The following SRM variants were observed in gnomAD, a reference collection of about 807,000 sequenced individuals.
The protein encoded by SRM is putrescine aminopropyltransferase.
In SRM, 14 loss-of-function variants were observed where a neutral mutation model predicts 39.3. The ratio of observed to expected loss-of-function variants is 0.36; its 90% CI spans 0.24 to 0.56. The LOEUF (loss-of-function observed/expected upper bound fraction) is 0.56. Among genes scored for constraint, SRM ranks in the 20% least tolerant of loss-of-function variants. The pLI, the probability that SRM is intolerant of heterozygous loss-of-function variation, is 0.86. For missense variants in SRM, 244 were observed against 409.2 expected (o/e 0.60, Z 3.48); for synonymous variants, 195 against 173.1 (o/e 1.13, Z -0.99).
At chr1:11,055,243 G>T in intron 6 of SRM, 159 bp from the exon 7 acceptor site, 1 of 1,123,806 alleles carries the variant, frequency 8.9e-7, no homozygotes, top group Non-Finnish European at 1.2e-6. Flanking sequence ...TCAGCCTCAG[G>T]TACGCGCCAC....
At position 11,059,788 on chromosome 1, in the gene SRM, G is replaced by T; in HGVS notation, c.156C>A (p.Leu52=). 1.3e-6 allele frequency: 2 copies of T among 1,580,196 alleles called. No individual in the cohort carries two copies. The highest frequency in any genetic ancestry group is 1.7e-6 in the Non-Finnish European group (2 of 1,172,626). Residue 52 remains leucine, a synonymous_variant, in exon 1 of 8, where the codon CTC becomes CTA. Transcript: ENST00000376957. ...GGCAGCGGCGGTACCTGCGGAAGACGAGGATGTCCTGGTAGCGCGAGCGCC... is the reference window on the plus strand; with the variant it reads ...GGCAGCGGCGGTACCTGCGGAAGACTAGGATGTCCTGGTAGCGCGAGCGCC... ...HHRRSRYQDI[L]VFRSKTYGNV...
chr1:11,059,345 A>G lies in SRM; in HGVS notation c.168T>C (p.Ser56=). ...SRYQDILVFR[S]KTYGNVLVLD... is the part of the protein sequence containing the mutation. Reference sequence around the variant, plus strand: ...ACACCAGCACGTTGCCATAGGTCTTACTGCGGGCGGAGTGACAGTCGGGGA... The same window carrying G: ...ACACCAGCACGTTGCCATAGGTCTTGCTGCGGGCGGAGTGACAGTCGGGGA... The change falls in exon 2 of 8, where the codon AGT becomes AGC. Residue 56 remains serine, a splice_region_variant and synonymous_variant. Coordinates refer to ENST00000376957, the MANE Select transcript of SRM (RefSeq NM_003132.3). 1 of 1,613,010 alleles carries G rather than the reference A, an allele frequency of 6.2e-7. No individual in the cohort carries two copies. Among genetic ancestry groups the G allele is most frequent in the East Asian group, 2.2e-5 (1 of 44,848 alleles).
At chr1:11,059,112 C>T (rs1022138671) in intron 2 of SRM, 113 bp downstream of exon 2, 239 of 1,561,278 alleles carry the variant, frequency 1.5e-4, no homozygotes, top group Non-Finnish European at 2.0e-4. Flanking sequence ...GCGGGACGCC[C>T]CTGGCCTCGC....
In SRM at chr1:11,055,796, C is replaced by T. The variant is rs1349240185; in HGVS notation, c.750G>A (p.Leu250=). The T allele has an allele frequency of 1.9e-6, 3 of 1,558,504 alleles. No homozygotes were observed. The highest frequency in any genetic ancestry group is 1.4e-5 in the African/African-American group (1 of 73,478). Residue 250 remains leucine (L), a synonymous_variant, in exon 6 of 8, where the codon CTG becomes CTA. Transcript: ENST00000376957. Reference sequence around the variant, plus strand: ...CCCATCTCACCGGGTTCTTGCTGCACAGCATGAAGCCGATCTGGCCGCTGG... The same window carrying T: ...CCCATCTCACCGGGTTCTTGCTGCATAGCATGAAGCCGATCTGGCCGCTGG... ...TYPSGQIGFM[L]CSKNPSTNFQ... is the part of the protein sequence containing the mutation.
At chr1:11,057,663 G>A (rs957378947) in intron 3 of SRM, among the ~76,000 whole-genome samples, 4 of 142,268 alleles carry the variant, frequency 2.8e-5, no homozygotes, top group African/African-American at 1.1e-4. Context: ...CAGCTCAAAC[G>A]CCACCTCCTG....
intron 3 of SRM, among the ~76,000 whole-genome samples, chr1:11,058,327 G>A (rs932547734): frequency 4.6e-5 from 7 of 152,148 alleles, no homozygotes; most frequent in South Asian, 2.1e-4. Flanking sequence ...TTGGGAGGAC[G>A]AGGCTGGCGG....
rs1271034972 is a variant in SRM, at chr1:11,055,781, C to T, written c.765G>A (p.Pro255=). 3 of 1,565,980 alleles carry T rather than the reference C, an allele frequency of 1.9e-6. No homozygotes were observed. Among genetic ancestry groups the T allele is most frequent in the East Asian group, 2.4e-5 (1 of 42,352 alleles). ...QIGFMLCSKN[P]STNFQEPVQP... ...CCACCCCCAGACACCCCCATCTCAC[C>T]GGGTTCTTGCTGCACAGCATGAAGC... The change falls in exon 6 of 8, where the codon CCG becomes CCA. Residue 255 remains proline, a splice_region_variant and synonymous_variant. Coordinates refer to ENST00000376957, the MANE Select transcript of SRM (RefSeq NM_003132.3).
intron 3 of SRM, among the ~76,000 whole-genome samples, chr1:11,057,210 C>T (rs1425738578): frequency 1.3e-5 from 2 of 152,110 alleles, no homozygotes; most frequent in Non-Finnish European, 2.9e-5. Context: ...TCTGGTACCT[C>T]CATTTCTCCT....
At chr1:11,055,263 C>T in intron 6 of SRM, 179 bp from the exon 7 acceptor site, 2 of 913,678 alleles carry the variant, frequency 2.2e-6, no homozygotes, top group East Asian at 3.1e-5. Flanking sequence ...CCACGCCCGG[C>T]TAATTTTTTT....
At chr1:11,056,369 C>T (rs1353153910) in intron 4 of SRM, among the ~76,000 whole-genome samples, 2 of 152,198 alleles carry the variant, frequency 1.3e-5, no homozygotes, top group African/African-American at 4.8e-5. Context: ...CCTCAGTGTC[C>T]CAATGCCAGA....
chr1:11,059,898 TGGCGGCGGGGCCGGA>T lies in SRM; in HGVS notation c.31_45del (p.Ser11_Ala15del), dbSNP rs745582057. 273 of 1,430,258 alleles carry T rather than the reference TGGCGGCGGGGCCGGA, an allele frequency of 1.9e-4. 4 individuals are homozygous for T. In the South Asian group the frequency reaches 2.4e-3, roughly 12 times the overall value. The allele number at this position is 1,430,258 out of a possible 1,614,324, so 88.6% of individuals were successfully genotyped here. A position where few individuals can be genotyped will look rare whatever the true frequency, so the allele number is the denominator to read the frequency against. On this transcript the variant is annotated inframe_deletion, in exon 1 of 8. Coordinates refer to ENST00000376957, the MANE Select transcript of SRM (RefSeq NM_003132.3). ...GTCTCGCGGAACCAGCCCTCGCGGA[TGGCGGCGGGGCCGGA>T]GGCGGCGGGGCCGTCGGGGCCGGGC...
chr1:11,058,703 G>A, intron 3 of SRM, 97 bp downstream of exon 3: 1 of 1,058,546 alleles, frequency 9.4e-7, no homozygotes, highest in South Asian at 1.7e-5. Context: ...GGAGAAACAG[G>A]CCCTACCTGC....
chr1:11,056,173 T>A, intron 4 of SRM, 79 bp from the exon 5 acceptor site: 2 of 1,358,942 alleles, frequency 1.5e-6, no homozygotes, highest in Non-Finnish European at 2.0e-6. Flanking sequence ...AGCTACCAGG[T>A]GGCCAGAGCC....
At position 11,054,808 on chromosome 1, in the gene SRM, C is replaced by G. The variant is rs1301759517; in HGVS notation, c.*57G>C. The G allele has an allele frequency of 3.9e-6, 6 of 1,545,644 alleles. No homozygotes were observed. The highest frequency in any genetic ancestry group is 4.4e-6 in the Non-Finnish European group (5 of 1,145,528). ...CGGCCCGGGGCTGGAGGGGCCGAGG[C>G]ACCCCGCAGGCTCCAAGGTCCGAGG... On this transcript the variant is annotated 3_prime_UTR_variant, in exon 8 of 8. Transcript: ENST00000376957. The surrounding 1 kb of genome is among the most constrained non-coding windows in gnomAD (Gnocchi z 4.8).
Position 11,054,875 on chromosome 1 carries a change from T to A in SRM, c.899A>T (p.Asp300Val). 1 of 1,609,348 alleles carries A rather than the reference T, an allele frequency of 6.2e-7. No homozygotes were observed. The highest frequency in any genetic ancestry group is 8.5e-7 in the Non-Finnish European group (1 of 1,178,248). The change falls in exon 8 of 8, where the codon GAT becomes GTT. Residue 300 changes from aspartate to valine, a missense_variant. Coordinates refer to ENST00000376957, the MANE Select transcript of SRM (RefSeq NM_003132.3). The surrounding 1 kb of genome is among the most constrained non-coding windows in gnomAD (Gnocchi z 4.8). The stretch of plus-strand genomic sequence containing the variant: ...TGGTGGCGCCTGGGCTCAGCTCACA[T>A]CATTCAGGGCCTGGAGGGACATGAG... ...LPEFARKALN[D>V]VS
At position 11,054,744 on chromosome 1, in the gene SRM, T is replaced by C; in HGVS notation, c.*121A>G. The C allele has an allele frequency of 7.1e-7, 1 of 1,400,280 alleles. No individual in the cohort carries two copies. The allele number at this position is 1,400,280 out of a possible 1,614,324, so 86.7% of individuals were successfully genotyped here. ...GCAGGCCGGGCAGCATTCTGGGGCT[T>C]GTAACACTTGGTTGGTGGGCGAGAG... On this transcript the variant is annotated 3_prime_UTR_variant, in exon 8 of 8. Coordinates refer to ENST00000376957, the MANE Select transcript of SRM (RefSeq NM_003132.3). This position sits in a 1 kb window ranked among gnomAD's most constrained non-coding sequence, Gnocchi z 4.8.
At chr1:11,059,031 CT>C (rs1638929240) in intron 2 of SRM, 139 bp from the exon 3 acceptor site, 1 of 1,332,364 alleles carries the variant, frequency 7.5e-7, no homozygotes, top group Non-Finnish European at 1.0e-6. Flanking sequence ...CCGGTGTCCC[CT>C]TTCCTGGAAG....
chr1:11,054,818 G>C lies in SRM; in HGVS notation c.*47C>G, dbSNP rs749132015. On this transcript the variant is annotated 3_prime_UTR_variant, in exon 8 of 8. Coordinates refer to ENST00000376957, the MANE Select transcript of SRM (RefSeq NM_003132.3). The surrounding 1 kb of genome is among the most constrained non-coding windows in gnomAD (Gnocchi z 4.8). ...CTGGAGGGGCCGAGGCACCCCGCAG[G>C]CTCCAAGGTCCGAGGTCCTGGGTGG... is the stretch of plus-strand genomic sequence containing the variant. The C allele has an allele frequency of 6.4e-7, 1 of 1,561,642 alleles. No homozygotes were observed. Among genetic ancestry groups the C allele is most frequent in the East Asian group, 2.3e-5 (1 of 44,108 alleles).
At position 11,055,937 on chromosome 1, in the gene SRM, C is replaced by A; in HGVS notation, c.620-11G>T. The A allele has an allele frequency of 6.3e-7, 1 of 1,595,058 alleles. No individual in the cohort carries two copies. Among genetic ancestry groups the A allele is most frequent in the Non-Finnish European group, 8.6e-7 (1 of 1,168,352 alleles). On this transcript the variant is annotated splice_polypyrimidine_tract_variant and intron_variant, in intron 5 of 7. Transcript: ENST00000376957. ...GCCACTGGCACTCGCCTGGGGGCCC[C>A]TAAGCATCAGCATCCGGCAGGGCCT...
Sources: allele counts gnomAD v4.1 joint callset (sites outside exome capture counted in the v4.1 genomes callset), GRCh38; gene constraint gnomAD v4.1.1; non-coding constraint Gnocchi (gnomAD v3.1); transcripts MANE v1.5; gene names NCBI Gene and HGNC (gene_info 2026-07-23, HGNC 2026-07-21).